Variants in KCNIP4 observed in about 807,000 individuals in gnomAD.
KCNIP4 encodes Kv channel-interacting protein 4.
A neutral mutation model predicts 34.0 loss-of-function variants in KCNIP4; 12 were observed. That is an observed-to-expected ratio of 0.35 (90% CI 0.23 to 0.57). The LOEUF (loss-of-function observed/expected upper bound fraction) is 0.57, where lower values mean the gene tolerates loss of function less well. KCNIP4 is among the 20% of genes least tolerant of loss of function. The probability of loss-of-function intolerance (pLI) is 0.83; values close to 1 mark genes in which losing one functional copy is unlikely to be tolerated. For missense variants in KCNIP4, 238 were observed against 311.7 expected, an observed-to-expected ratio of 0.76 and a Z score of 1.78; for synonymous variants, 124 against 102.2, an observed-to-expected ratio of 1.21 and a Z score of -1.29.
chr4:21,204,167 C>T (rs953842242), intron 1 of KCNIP4, among the ~76,000 whole-genome samples: 3 of 127,306 alleles, frequency 2.4e-5, no homozygotes, highest in African/African-American at 1.2e-4. Flanking sequence ...GTATTTCCTC[C>T]ACTCTTCCTA....
At chr4:21,458,461 C>T (rs1351401558) in intron 1 of KCNIP4, among the ~76,000 whole-genome samples, 4 of 151,884 alleles carry the variant, frequency 2.6e-5, no homozygotes, top group Non-Finnish European at 4.4e-5. Flanking sequence ...CATACGTGTG[C>T]ATGTGTCTTT....
intron 3 of KCNIP4, among the ~76,000 whole-genome samples, chr4:20,824,218 A>T (rs1717445485): frequency 6.6e-6 from 1 of 152,162 alleles, no homozygotes; most frequent in Non-Finnish European, 1.5e-5. Flanking sequence ...GTGTGTGTGT[A>T]TGTGTGTATA....
At chr4:20,763,533 C>T (rs1264391948) in intron 3 of KCNIP4, among the ~76,000 whole-genome samples, 1 of 152,088 alleles carries the variant, frequency 6.6e-6, no homozygotes, top group Non-Finnish European at 1.5e-5. Context: ...TTTCTATTCT[C>T]ATTTTTTTTG....
chr4:21,686,743 G>T (rs1358227869), intron 1 of KCNIP4, among the ~76,000 whole-genome samples: 2 of 152,128 alleles, frequency 1.3e-5, no homozygotes, highest in Non-Finnish European at 2.9e-5. Flanking sequence ...CCATAACACA[G>T]ATTAGAATGA....
chr4:20,937,514 G>A (rs985462024), intron 1 of KCNIP4, among the ~76,000 whole-genome samples: 17 of 151,988 alleles, frequency 1.1e-4, no homozygotes, highest in South Asian at 4.1e-4. Flanking sequence ...GATTACAGGC[G>A]TGAGCCACCG....
chr4:21,118,519 C>T (rs534394781), intron 1 of KCNIP4, among the ~76,000 whole-genome samples: 8 of 152,202 alleles, frequency 5.3e-5, no homozygotes, highest in Non-Finnish European at 1.2e-4. Context: ...TTCCCATTCC[C>T]GTGTCTGCCT....
intron 6 of KCNIP4, among the ~76,000 whole-genome samples, chr4:20,733,636 CAG>C (rs1458697021): frequency 6.6e-6 from 1 of 152,040 alleles, no homozygotes; most frequent in Non-Finnish European, 1.5e-5. Context: ...GTGTTAAACA[CAG>C]AGGTAAGAAT....
At chr4:21,652,701 A>G (rs1363102740) in intron 1 of KCNIP4, among the ~76,000 whole-genome samples, 1 of 152,214 alleles carries the variant, frequency 6.6e-6, no homozygotes, top group Non-Finnish European at 1.5e-5. Context: ...AACTGCTGCA[A>G]CAGTGTATTC....
At position 21,320,978 on chromosome 4, in the gene KCNIP4, A is replaced by G. The variant is rs1321103287; in HGVS notation, c.62-438269T>C. ...AGAATCTGTCTTAAAAAAAAAAAAA[A>G]AAAAGAGGAAAGTTAGTCCTACAGA... is the stretch of plus-strand genomic sequence containing the variant. On this transcript the variant is annotated intron_variant, in intron 1 of 8. Transcript: ENST00000382152. 2.0e-5 allele frequency among the ~76,000 whole-genome samples: 3 copies of G among 151,574 alleles called. No individual in the cohort carries two copies. The East Asian group carries it at 5.8e-4, about 29-fold the overall frequency.
intron 1 of KCNIP4, chr4:21,303,666 C>T: frequency 1.7e-6 from 1 of 580,536 alleles, no homozygotes; most frequent in Non-Finnish European, 3.0e-6. Context: ...ATCTTTCCTA[C>T]CCTGAAAAAC....
At chr4:21,435,256 T>C (rs1273371931) in intron 1 of KCNIP4, among the ~76,000 whole-genome samples, 2 of 152,114 alleles carry the variant, frequency 1.3e-5, no homozygotes, top group Admixed American at 6.6e-5. Flanking sequence ...CGTGAATATA[T>C]GTTTGAGGGG....
chr4:21,226,062 C>T (rs983838513), intron 1 of KCNIP4, among the ~76,000 whole-genome samples: 1 of 151,792 alleles, frequency 6.6e-6, no homozygotes, highest in East Asian at 1.9e-4. Flanking sequence ...TTCATTCGAA[C>T]TCTATAAGGC....
rs181223320 is a variant in KCNIP4, at chr4:21,208,797, A to G, written c.62-326088T>C. Among the ~76,000 whole-genome samples the G allele has an allele frequency of 2.4e-4, 36 of 152,324 alleles. 1 individual carries two copies. In the East Asian group the frequency reaches 6.4e-3, roughly 27 times the overall value. On this transcript the variant is annotated intron_variant, in intron 1 of 8. Transcript: ENST00000382152. ...TAAAGGAAAGAGATTTAATGGACTCATAGTTCAGCATGGCTCAGGAGGCGT... is the reference window on the plus strand; with the variant it reads ...TAAAGGAAAGAGATTTAATGGACTCGTAGTTCAGCATGGCTCAGGAGGCGT...
intron 2 of KCNIP4, among the ~76,000 whole-genome samples, chr4:20,874,874 G>A (rs1437855619): frequency 6.6e-6 from 1 of 152,116 alleles, no homozygotes. Flanking sequence ...GGGCCAATTG[G>A]TATTACAGCA....
intron 1 of KCNIP4, among the ~76,000 whole-genome samples, chr4:21,380,765 CCCTCAAAACTGATTTT>C (rs1282879311): frequency 6.6e-6 from 1 of 151,946 alleles, no homozygotes; most frequent in Admixed American, 6.6e-5. Flanking sequence ...TCCTATACAA[CCCTCAAAACTGATTTT>C]CCTCCATGTT....
At chr4:21,233,925 AATTAT>A (rs943322444) in intron 1 of KCNIP4, among the ~76,000 whole-genome samples, 3 of 130,492 alleles carry the variant, frequency 2.3e-5, no homozygotes, top group Non-Finnish European at 4.7e-5. Flanking sequence ...TATATTATGT[AATTAT>A]ATTATATAAA....
chr4:21,513,695 T>A (rs912926634), intron 1 of KCNIP4, among the ~76,000 whole-genome samples: 4 of 152,226 alleles, frequency 2.6e-5, no homozygotes, highest in Non-Finnish European at 5.9e-5. Flanking sequence ...AAATGCTCAA[T>A]ACATTTTTTC....
intron 2 of KCNIP4, among the ~76,000 whole-genome samples, chr4:20,864,233 T>C (rs1040399610): frequency 2.1e-5 from 3 of 144,160 alleles, no homozygotes; most frequent in Middle Eastern, 3.6e-3. Flanking sequence ...CATATATATG[T>C]ACACATATGT....
chr4:21,857,190 A>T (rs1724813536), intron 1 of KCNIP4, among the ~76,000 whole-genome samples: 4 of 152,194 alleles, frequency 2.6e-5, no homozygotes, highest in Admixed American at 2.0e-4. Flanking sequence ...ATCAGCATAC[A>T]CTTCCTCTCC....
Sources: allele counts gnomAD v4.1 joint callset (sites outside exome capture counted in the v4.1 genomes callset), GRCh38; gene constraint gnomAD v4.1.1; transcripts MANE v1.5; gene names NCBI Gene and HGNC (gene_info 2026-07-23, HGNC 2026-07-21).